GALNT13: variants seen among roughly 807,000 people sequenced by gnomAD.
GALNT13 encodes the protein UDP-GalNAc:polypeptide N-acetylgalactosaminyltransferase 13.
Under a neutral mutation model 64.2 loss-of-function variants are expected in GALNT13, and 28 were observed. The observed-to-expected ratio is 0.44, with a 90% CI of 0.32 to 0.60. GALNT13 has a LOEUF of 0.60. Ranked by LOEUF, GALNT13 falls within the 20% of genes least tolerant of loss-of-function variation. GALNT13 has a pLI of 0.05. For missense variants in GALNT13, 577 were observed against 669.8 expected, an observed-to-expected ratio of 0.86 and a Z score of 1.53; for synonymous variants, 214 against 224.6, an observed-to-expected ratio of 0.95 and a Z score of 0.42.
the GALNT13 span, among the ~76,000 whole-genome samples, chr2:153,523,074 G>T: frequency 2.5e-5 from 3 of 117,928 alleles, no homozygotes; most frequent in Non-Finnish European, 1.6e-5. Flanking sequence ...TTTGCATGTG[G>T]GTGTCCAGTT....
the GALNT13 span, among the ~76,000 whole-genome samples, chr2:153,614,813 A>G: frequency 2.0e-5 from 3 of 152,066 alleles, no homozygotes; most frequent in African/African-American, 2.4e-5. Context: ...TAGGCATGCA[A>G]TATAAAATAA....
intron 9 of GALNT13, among the ~76,000 whole-genome samples, chr2:154,384,477 A>G (rs1195844787): frequency 6.6e-6 from 1 of 151,904 alleles, no homozygotes; most frequent in Non-Finnish European, 1.5e-5. Flanking sequence ...GATCACCATT[A>G]TATAATATAT....
the GALNT13 span, among the ~76,000 whole-genome samples, chr2:153,467,689 G>T: frequency 6.6e-6 from 1 of 152,002 alleles, no homozygotes; most frequent in Non-Finnish European, 1.5e-5. Flanking sequence ...TACCAAATAT[G>T]ATTAATACTA....
At chr2:153,478,773 G>A in the GALNT13 span, 2 of 529,376 alleles carry the variant, frequency 3.8e-6, no homozygotes, top group Non-Finnish European at 6.8e-6. Flanking sequence ...AAAGCCGTCC[G>A]CTCCAGCCCT....
At chr2:153,937,718 G>A (rs1446154084) in intron 2 of GALNT13, among the ~76,000 whole-genome samples, 2 of 152,192 alleles carry the variant, frequency 1.3e-5, no homozygotes, top group African/African-American at 4.8e-5. Flanking sequence ...GGTGGAATTG[G>A]TGAAAAGTGG....
the GALNT13 span, among the ~76,000 whole-genome samples, chr2:153,165,697 G>A: frequency 2.0e-4 from 30 of 152,138 alleles, no homozygotes; most frequent in African/African-American, 4.1e-4. Context: ...GTATTTATTA[G>A]CTATGCTGGT....
the GALNT13 span, among the ~76,000 whole-genome samples, chr2:153,368,401 T>G: frequency 3.9e-5 from 6 of 152,112 alleles, no homozygotes; most frequent in East Asian, 1.2e-3. Context: ...ATGCTATCAC[T>G]CTGAATTTGG....
At chr2:153,537,140 G>C in the GALNT13 span, among the ~76,000 whole-genome samples, 1 of 152,204 alleles carries the variant, frequency 6.6e-6, no homozygotes. Context: ...TTTGCCTGCT[G>C]TATTCAAGGA....
intron 2 of GALNT13, among the ~76,000 whole-genome samples, chr2:153,930,178 T>A (rs190975134): frequency 1.2e-4 from 18 of 152,296 alleles, no homozygotes; most frequent in Admixed American, 1.1e-3. Context: ...TTTTGTCCAC[T>A]TTTTAATGGG....
chr2:154,086,250 G>A (rs994195598), intron 3 of GALNT13, among the ~76,000 whole-genome samples: 1 of 148,104 alleles, frequency 6.8e-6, no homozygotes, highest in Admixed American at 6.8e-5. Context: ...CTATATTTAT[G>A]TTCCTACTGA....
At chr2:154,014,577 GT>G (rs35992474) in intron 3 of GALNT13, among the ~76,000 whole-genome samples, 1 of 136,790 alleles carries the variant, frequency 7.3e-6, no homozygotes, top group Admixed American at 7.4e-5. Context: ...TCTTTCCTCT[GT>G]TTTTTTTTGT....
intron 9 of GALNT13, among the ~76,000 whole-genome samples, chr2:154,318,769 C>T (rs895813477): frequency 2.7e-5 from 4 of 150,198 alleles, no homozygotes; most frequent in Non-Finnish European, 4.4e-5. Context: ...ATCTGAAAAA[C>T]AGAAAACGGC....
intron 3 of GALNT13, among the ~76,000 whole-genome samples, chr2:154,117,589 C>T (rs1011619259): frequency 6.6e-6 from 1 of 152,170 alleles, no homozygotes; most frequent in Non-Finnish European, 1.5e-5. Flanking sequence ...GCTGCAAATG[C>T]CGTTAATTTG....
chr2:154,045,358 T>A (rs1031699448), intron 3 of GALNT13, among the ~76,000 whole-genome samples: 4 of 152,068 alleles, frequency 2.6e-5, no homozygotes, highest in Non-Finnish European at 5.9e-5. Flanking sequence ...AGACAAAGAA[T>A]AAGAGTAACA....
the GALNT13 span, among the ~76,000 whole-genome samples, chr2:153,751,771 T>A: frequency 6.6e-6 from 1 of 151,978 alleles, no homozygotes; most frequent in Non-Finnish European, 1.5e-5. Flanking sequence ...TCTTGTTTTT[T>A]TTTCATTCAC....
chr2:153,986,107 CTG>C (rs1694780524), intron 3 of GALNT13, among the ~76,000 whole-genome samples: 1 of 152,006 alleles, frequency 6.6e-6, no homozygotes, highest in African/African-American at 2.4e-5. Flanking sequence ...AGTAAAAAGA[CTG>C]TAACTCTGTG....
chr2:154,202,722 T>C (rs1425400752), intron 4 of GALNT13, among the ~76,000 whole-genome samples: 3 of 152,198 alleles, frequency 2.0e-5, no homozygotes, highest in Admixed American at 1.3e-4. Context: ...TTGTTTATGT[T>C]TAGGTCCAGT....
intron 7 of GALNT13, among the ~76,000 whole-genome samples, chr2:154,248,299 G>GT (rs1307717056): frequency 8.4e-5 from 12 of 142,134 alleles, no homozygotes; most frequent in African/African-American, 3.0e-4. Flanking sequence ...CTGGGCTTTG[G>GT]TATTTTCATT....
At chr2:154,390,685 G>A (rs799800) in intron 9 of GALNT13, among the ~76,000 whole-genome samples, 49,668 of 151,864 alleles carry the variant, frequency 0.33, 8,360 homozygotes, top group South Asian at 0.42. Context: ...AAAAATAGGA[G>A]CCCATAAATT....
Sources: gnomAD v4.1 joint callset for allele counts (sites outside exome capture counted in the v4.1 genomes callset) on GRCh38, gnomAD v4.1.1 for gene constraint, MANE v1.5 for transcripts, NCBI Gene and HGNC (gene_info 2026-07-23, HGNC 2026-07-21) for gene names.